Variants in ZPBP observed in about 807,000 individuals in gnomAD.
ZPBP encodes the protein zona pellucida binding protein.
Under a neutral mutation model 44.8 loss-of-function variants are expected in ZPBP, and 26 were observed. The observed-to-expected ratio is 0.58, with a 90% CI of 0.43 to 0.81. ZPBP has a LOEUF of 0.81. Ranked by LOEUF, ZPBP falls within the 30% of genes least tolerant of loss-of-function variation. ZPBP has a pLI of 0.00. For synonymous variants in ZPBP, 174 were observed against 153.2 expected (o/e 1.14, Z -1.00); for missense variants, 409 against 434.0 (o/e 0.94, Z 0.51).
At chr7:50,039,223 T>G (rs1333161632) in intron 4 of ZPBP, among the ~76,000 whole-genome samples, 1 of 151,972 alleles carries the variant, frequency 6.6e-6, no homozygotes, top group African/African-American at 2.4e-5. Flanking sequence ...ATAGAGAATA[T>G]AAAGACTGAT....
the ZPBP span, among the ~76,000 whole-genome samples, chr7:49,845,102 C>T: frequency 3.3e-5 from 5 of 152,026 alleles, no homozygotes; most frequent in Admixed American, 6.6e-5. Context: ...AACACATGGG[C>T]GGGAACAACA....
rs767847407 is a variant in ZPBP, at chr7:50,093,147, G to T, written c.48C>A (p.Thr16=). ...GAGAGAGCAGGGAGCCGGCGGCCCG[G>T]GTCCGCCGCCTGCCCCGCCGCGCTG... is the stretch of plus-strand genomic sequence containing the variant. ...LGPARRGRRR[T]RAAGSLLSRA... is the part of the protein sequence containing the mutation. Residue 16 remains threonine (T), a synonymous_variant, in exon 1 of 8, where the codon ACC becomes ACA. Transcript: ENST00000046087. 1.3e-6 allele frequency: 2 copies of T among 1,545,060 alleles called. No homozygotes were observed. Among genetic ancestry groups the T allele is most frequent in the South Asian group, 2.4e-5 (2 of 83,618 alleles).
intron 3 of ZPBP, among the ~76,000 whole-genome samples, chr7:50,077,224 C>T (rs575841963): frequency 2.0e-5 from 3 of 152,002 alleles, no homozygotes; most frequent in Admixed American, 6.6e-5. Flanking sequence ...AGATCCCTAT[C>T]TCTTGCCATA....
At chr7:50,090,513 GTATATATGTGTA>G (rs1802908799) in intron 1 of ZPBP, among the ~76,000 whole-genome samples, 1 of 150,660 alleles carries the variant, frequency 6.6e-6, no homozygotes, top group East Asian at 1.9e-4. Flanking sequence ...ATATATATGT[GTATATATGTGTA>G]TATATATGTG....
chr7:50,063,318 TG>T (rs1276799363), intron 3 of ZPBP, among the ~76,000 whole-genome samples: 2 of 152,258 alleles, frequency 1.3e-5, no homozygotes, highest in African/African-American at 2.4e-5. Context: ...ATTTAATTCC[TG>T]TTCCATTCCC....
chr7:50,086,787 G>A (rs1218590043), intron 2 of ZPBP, among the ~76,000 whole-genome samples: 12 of 151,776 alleles, frequency 7.9e-5, no homozygotes, highest in Non-Finnish European at 1.8e-4. Context: ...TTTAATAATC[G>A]CAAAAAATCC....
intron 7 of ZPBP, among the ~76,000 whole-genome samples, chr7:49,979,457 A>G (rs1356417306): frequency 6.6e-6 from 1 of 152,036 alleles, no homozygotes; most frequent in Non-Finnish European, 1.5e-5. Context: ...TTCTTATGAC[A>G]AGAATAAAAA....
chr7:49,983,345 A>G lies in ZPBP; in HGVS notation c.958T>C (p.Cys320Arg). The G allele has an allele frequency of 6.2e-7, 1 of 1,613,324 alleles. No homozygotes were observed. Among genetic ancestry groups the G allele is most frequent in the Non-Finnish European group, 8.5e-7 (1 of 1,179,520 alleles). ...GAAATCATAATTCATTACATACCAC[A>G]GCACTCAGGACATTTTGGATGTTGC... ...VQQHPKCPEC[C>R]VICSPGSYNP... The change falls in exon 7 of 8, where the codon TGT becomes CGT. Residue 320 changes from cysteine to arginine, a missense_variant. Around this residue, in one of 2 missense-constraint regions of ZPBP, gnomAD observed 42 missense variants for 71.0 expected, o/e 0.59. Transcript: ENST00000046087.
At position 49,874,180 on chromosome 7, in the gene ZPBP, CCACACACA is replaced by C. The variant is rs139144140; in HGVS notation, n.510-23674_510-23667del. ...AGTGAAACTATATACATGCACACACCCACACACACACACACACAGTCATGTGCCTCATA... is the reference window on the plus strand; with the variant it reads ...AGTGAAACTATATACATGCACACACCCACACACACAGTCATGTGCCTCATA... On this transcript the variant is annotated intron_variant and non_coding_transcript_variant, in intron 2 of 2. Transcript: ENST00000465922. Among the ~76,000 whole-genome samples the C allele has an allele frequency of 1.6e-3, 235 of 149,608 alleles. 3 individuals carry two copies. Among genetic ancestry groups the C allele is most frequent in the African/African-American group, 5.5e-3 (225 of 40,932 alleles).
chr7:49,929,336 T>C lies in ZPBP; in HGVS notation n.411+6415A>G, dbSNP rs150483784. 6.6e-3 allele frequency among the ~76,000 whole-genome samples: 1,001 copies of C among 152,278 alleles called. 7 individuals carry two copies. The highest frequency in any genetic ancestry group is 0.022 in the African/African-American group (919 of 41,540). On this transcript the variant is annotated intron_variant and non_coding_transcript_variant, in intron 1 of 2. Transcript: ENST00000465922. ...TTGTCACCATGCTTGATCAGGATGA[T>C]ACAACACAACACAACCCAGCAAAAG...
intron 7 of ZPBP, among the ~76,000 whole-genome samples, chr7:49,973,087 A>G (rs1334841036): frequency 1.3e-5 from 2 of 152,002 alleles, no homozygotes; most frequent in Non-Finnish European, 2.9e-5. Flanking sequence ...ACTAAGTAAC[A>G]CACCTAAGCT....
chr7:49,848,065 C>T (rs973717893), downstream of ZPBP, among the ~76,000 whole-genome samples: 2 of 152,200 alleles, frequency 1.3e-5, no homozygotes, highest in African/African-American at 4.8e-5. Flanking sequence ...GAAGCTTCTA[C>T]AGGTCTCAGT....
chr7:50,082,404 T>C (rs923569728), intron 2 of ZPBP, among the ~76,000 whole-genome samples: 2 of 151,922 alleles, frequency 1.3e-5, no homozygotes, highest in Non-Finnish European at 1.5e-5. Flanking sequence ...TGATTTTAAA[T>C]ATTAAAGCAT....
At chr7:49,952,733 C>T (rs1795401981) in intron 7 of ZPBP, among the ~76,000 whole-genome samples, 1 of 151,910 alleles carries the variant, frequency 6.6e-6, no homozygotes, top group South Asian at 2.1e-4. Flanking sequence ...GGTAAAAATA[C>T]AATTTGTAAT....
At chr7:49,919,193 T>A (rs2128746206) in intron 1 of ZPBP, 1 of 152,202 alleles carries the variant, frequency 6.6e-6, no homozygotes, top group South Asian at 2.1e-4. Flanking sequence ...CAGCTGTGAG[T>A]CTTACTGAAT....
At position 50,093,199 on chromosome 7, in the gene ZPBP, A is replaced by G; in HGVS notation, c.-5T>C. 2 of 1,519,158 alleles carry G rather than the reference A, an allele frequency of 1.3e-6. No individual in the cohort carries two copies. Among genetic ancestry groups the G allele is most frequent in the Non-Finnish European group, 1.8e-6 (2 of 1,135,822 alleles). The allele number at this position is 1,519,158 out of a possible 1,614,324, so 94.1% of individuals were successfully genotyped here. A position where few individuals can be genotyped will look rare whatever the true frequency, so the allele number is the denominator to read the frequency against. On this transcript the variant is annotated 5_prime_UTR_variant, in exon 1 of 8. Coordinates refer to ENST00000046087, the MANE Select transcript of ZPBP (RefSeq NM_007009.3). Reference sequence around the variant, plus strand: ...GCCAAGGGCGAAGGCCTCCATCCACACGCCGCCGTCGCCTGCCCACCGTCC... The same window carrying G: ...GCCAAGGGCGAAGGCCTCCATCCACGCGCCGCCGTCGCCTGCCCACCGTCC...
intron 7 of ZPBP, among the ~76,000 whole-genome samples, chr7:49,981,598 T>C (rs1488735918): frequency 4.3e-5 from 1 of 23,506 alleles, no homozygotes; most frequent in Non-Finnish European, 7.3e-5. Context: ...TATATAATTA[T>C]ATAAATTATA....
At chr7:50,070,297 C>G (rs758196785) in intron 3 of ZPBP, among the ~76,000 whole-genome samples, 8 of 152,178 alleles carry the variant, frequency 5.3e-5, no homozygotes, top group Non-Finnish European at 7.4e-5. Context: ...TGGTTGGTAC[C>G]CTGGAGGTGA....
intron 2 of ZPBP, among the ~76,000 whole-genome samples, chr7:49,871,036 C>T (rs1791127708): frequency 6.6e-6 from 1 of 152,118 alleles, no homozygotes; most frequent in Non-Finnish European, 1.5e-5. Flanking sequence ...AAGTATTCCA[C>T]AGAACCAATA....
Sources: gnomAD v4.1 joint callset for allele counts (sites outside exome capture counted in the v4.1 genomes callset) on GRCh38, gnomAD v4.1.1 for gene constraint, gnomAD v4.1.1 regional missense constraint, MANE v1.5 for transcripts, NCBI Gene and HGNC (gene_info 2026-07-23, HGNC 2026-07-21) for gene names.